Variants in EVC2 observed in about 807,000 individuals in gnomAD.
EVC2 encodes limbin.
In EVC2, 148 loss-of-function variants were observed where a neutral mutation model predicts 149.3. The observed-to-expected ratio is 0.99, with a 90% CI of 0.87 to 1.14. The LOEUF is 1.14. Ranked by LOEUF, EVC2 falls within the 50% of genes most tolerant of loss-of-function variation. The pLI, the probability that EVC2 is intolerant of heterozygous loss-of-function variation, is 0.00. For missense variants in EVC2, 1,854 were observed against 1,627.3 expected (o/e 1.14, Z -2.40); for synonymous variants, 776 against 649.9 (o/e 1.19, Z -2.95).
chr4:5,648,432 G>A (rs568407900), intron 9 of EVC2, among the ~76,000 whole-genome samples: 151 of 152,268 alleles, frequency 9.9e-4, no homozygotes, highest in South Asian at 2.5e-3. Context: ...GCTTGTGTTG[G>A]GAAAATGGCA....
chr4:5,669,973 G>A (rs1719531721), intron 7 of EVC2, among the ~76,000 whole-genome samples: 1 of 152,084 alleles, frequency 6.6e-6, no homozygotes, highest in Non-Finnish European at 1.5e-5. Flanking sequence ...GCAAACCTAG[G>A]TAGAGCCTAC....
At chr4:5,673,934 G>C (rs112346067) in intron 7 of EVC2, among the ~76,000 whole-genome samples, 1 of 152,160 alleles carries the variant, frequency 6.6e-6, no homozygotes, top group African/African-American at 2.4e-5. Flanking sequence ...GTGGTGGTAA[G>C]AAGAGGACAT....
intron 4 of EVC2, among the ~76,000 whole-genome samples, chr4:5,690,624 G>A (rs1203494477): frequency 6.6e-6 from 1 of 152,112 alleles, no homozygotes; most frequent in Non-Finnish European, 1.5e-5. Context: ...TTCCCTGGTT[G>A]GCAATATTCC....
chr4:5,538,353 C>G (rs1190064213), downstream of EVC2, among the ~76,000 whole-genome samples: 1 of 152,022 alleles, frequency 6.6e-6, no homozygotes, highest in Admixed American at 6.6e-5. Context: ...AAGAAAATGC[C>G]AGGCACCAAA....
At chr4:5,662,640 A>C (rs934398587) in intron 9 of EVC2, among the ~76,000 whole-genome samples, 9 of 145,528 alleles carry the variant, frequency 6.2e-5, no homozygotes, top group Non-Finnish European at 7.5e-5. Flanking sequence ...TTAAAATATA[A>C]TATATTAATT....
At chr4:5,540,308 T>A (rs115084564), downstream of EVC2, among the ~76,000 whole-genome samples, 800 of 152,376 alleles carry the variant, frequency 5.3e-3, 5 homozygotes, top group African/African-American at 0.018. Context: ...ACCTGTCATA[T>A]GTTCTAGCCA....
intron 10 of EVC2, among the ~76,000 whole-genome samples, chr4:5,638,612 C>T (rs1717068165): frequency 6.6e-6 from 1 of 151,818 alleles, no homozygotes; most frequent in Non-Finnish European, 1.5e-5. Context: ...CTCCCACCCC[C>T]CAAAAAAGAT....
In EVC2 at chr4:5,670,020, T is replaced by C. The variant is rs1719535244; in HGVS notation, c.871-4371A>G. ...AAACCCACTCATGACCCTCATTTTC[T>C]TCATTTATCTGTGTTGTTAAATTAT... On this transcript the variant is annotated intron_variant, in intron 7 of 21. Coordinates refer to ENST00000344408, the MANE Select transcript of EVC2 (RefSeq NM_147127.5). This position sits in a 1 kb window ranked among gnomAD's most constrained non-coding sequence, Gnocchi z 5.2. 6.6e-6 allele frequency among the ~76,000 whole-genome samples: 1 copy of C among 152,200 alleles called. No homozygotes were observed. Among genetic ancestry groups the C allele is most frequent in the African/African-American group, 2.4e-5 (1 of 41,442 alleles).
chr4:5,709,368 G>A (rs10000314), upstream of EVC2: 74,267 of 152,020 alleles, frequency 0.49, 18,464 homozygotes, highest in African/African-American at 0.56. Context: ...TGTTGACGGG[G>A]GAGGGCTCCA....
At chr4:5,645,438 T>C (rs899379352) in intron 9 of EVC2, among the ~76,000 whole-genome samples, 1 of 151,096 alleles carries the variant, frequency 6.6e-6, no homozygotes, top group African/African-American at 2.5e-5. Context: ...TAGGCCCTAA[T>C]GTCTGTTGTT....
At chr4:5,669,096 C>T (rs987490477) in intron 7 of EVC2, among the ~76,000 whole-genome samples, 3 of 152,170 alleles carry the variant, frequency 2.0e-5, no homozygotes, top group African/African-American at 7.2e-5. Context: ...ATTTCTGAGC[C>T]ACCAGAAGCT....
downstream of EVC2, chr4:5,542,693 T>C (rs1560115104): frequency 6.2e-6 from 1 of 160,048 alleles, no homozygotes; most frequent in Non-Finnish European, 1.4e-5. Context: ...ATGATAATAG[T>C]AGACCCGACC....
chr4:5,610,207 CAT>C (rs1489525192), intron 16 of EVC2, among the ~76,000 whole-genome samples: 1 of 152,172 alleles, frequency 6.6e-6, no homozygotes, highest in Non-Finnish European at 1.5e-5. Context: ...TATAGGTACT[CAT>C]ATGTAGAACT....
chr4:5,653,909 C>T (rs1435681342), intron 9 of EVC2, among the ~76,000 whole-genome samples: 1 of 152,190 alleles, frequency 6.6e-6, no homozygotes, highest in Non-Finnish European at 1.5e-5. Flanking sequence ...GCAATGGGAA[C>T]TTGAAACGAG....
intron 1 of EVC2, among the ~76,000 whole-genome samples, chr4:5,700,178 G>A (rs189835542): frequency 1.6e-4 from 25 of 152,118 alleles, no homozygotes; most frequent in Non-Finnish European, 2.9e-4. Flanking sequence ...TAATAATAGG[G>A]GACACTATGT....
At chr4:5,590,370 C>T (rs577490239) in intron 16 of EVC2, among the ~76,000 whole-genome samples, 2 of 152,142 alleles carry the variant, frequency 1.3e-5, no homozygotes, top group Admixed American at 6.5e-5. Context: ...AATGGGCCTC[C>T]TGTTGGCCAA....
rs751203969 is a variant in EVC2 at position 5,615,502 on chromosome 4, T to C, written c.2749A>G (p.Lys917Glu). 3.7e-6 allele frequency: 6 copies of C among 1,614,184 alleles called. No individual in the cohort carries two copies. The highest frequency in any genetic ancestry group is 5.1e-6 in the Non-Finnish European group (6 of 1,180,022). The change falls in exon 16 of 22, where the codon AAG becomes GAG. Residue 917 changes from lysine to glutamate, a missense_variant. Transcript: ENST00000344408. ...ATGCACTTCTTCAGAAGCTCTCCCT[T>C]GCTTTTACTCTTGGACCGTGACTTT... Reference protein sequence around the residue: ...VRKSRSKSKSKGELLKKCIED... With the variant: ...VRKSRSKSKSEGELLKKCIED...
In EVC2 at chr4:5,625,856, T is replaced by C. The variant is rs1320934967; in HGVS notation, c.1939A>G (p.Thr647Ala). ...TTCTGCTTGATTGAAAAGACTTCTG[T>C]CTGAGCCCGCTCCAATAGCATTTCC... is the stretch of plus-strand genomic sequence containing the variant. ...QMEMLLERAQ[T>A]EVFSIKQKLD... Residue 647 changes from threonine (T) to alanine (A), a missense_variant, in exon 13 of 22, where the codon ACA becomes GCA. Coordinates refer to ENST00000344408, the MANE Select transcript of EVC2 (RefSeq NM_147127.5). The surrounding 1 kb of genome is among the most constrained non-coding windows in gnomAD (Gnocchi z 4.0). 1.2e-6 allele frequency: 2 copies of C among 1,614,026 alleles called. No homozygotes were observed. The highest frequency in any genetic ancestry group is 8.5e-7 in the Non-Finnish European group (1 of 1,180,030).
intron 7 of EVC2, among the ~76,000 whole-genome samples, chr4:5,667,380 G>T (rs1719350008): frequency 6.6e-6 from 1 of 151,814 alleles, no homozygotes; most frequent in Non-Finnish European, 1.5e-5. Context: ...CTACTATTAT[G>T]ATGATGATTA....
Sources: allele counts gnomAD v4.1 joint callset (sites outside exome capture counted in the v4.1 genomes callset), GRCh38; gene constraint gnomAD v4.1.1; non-coding constraint Gnocchi (gnomAD v3.1); transcripts MANE v1.5; gene names NCBI Gene and HGNC (gene_info 2026-07-23, HGNC 2026-07-21).